Variants in TPM4 observed in about 807,000 individuals in gnomAD.
The protein encoded by TPM4 is tropomyosin alpha-4 chain.
In TPM4, 17 loss-of-function variants were observed where a neutral mutation model predicts 35.8. The ratio of observed to expected loss-of-function variants is 0.47; its 90% confidence interval spans 0.32 to 0.71. The LOEUF (loss-of-function observed/expected upper bound fraction) is 0.71. TPM4 is among the 30% of genes least tolerant of loss of function. The probability of loss-of-function intolerance (pLI) is 0.03; values close to 1 mark genes in which losing one functional copy is unlikely to be tolerated. For synonymous variants in TPM4, 120 were observed against 122.9 expected (o/e 0.98, Z 0.15); for missense variants, 240 against 320.9 (o/e 0.75, Z 1.93).
At chr19:16,082,986 G>A (rs1338002268) in intron 2 of TPM4, among the ~76,000 whole-genome samples, 1 of 96,782 alleles carries the variant, frequency 1.0e-5, no homozygotes, top group African/African-American at 4.4e-5. Context: ...ATGAGATTCT[G>A]TCTCAAAAAA....
chr19:16,082,054 C>T lies in TPM4; in HGVS notation c.266+8C>T, dbSNP rs377511815. ...TGCAGATGAGAGTGAGAGGTAAGGA[C>T]GCTTTGAATCTGGTGGCATCCGTGT... On this transcript the variant is annotated splice_region_variant and intron_variant, in intron 2 of 7. Coordinates refer to ENST00000643579, the MANE Select transcript of TPM4 (RefSeq NM_003290.3). 13 of 1,592,452 alleles carry T rather than the reference C, an allele frequency of 8.2e-6. No homozygotes were observed. The highest frequency in any genetic ancestry group is 6.7e-5 in the African/African-American group (5 of 74,518).
upstream of TPM4, chr19:16,076,012 C>A: frequency 6.3e-7 from 1 of 1,591,694 alleles, no homozygotes; most frequent in South Asian, 1.1e-5. Context: ...GACCCCCCCC[C>A]CAGGCTGACC....
chr19:16,096,599 C>CT (rs2090700486), intron 7 of TPM4, among the ~76,000 whole-genome samples: 1 of 152,126 alleles, frequency 6.6e-6, no homozygotes, highest in Non-Finnish European at 1.5e-5. Context: ...AGTGTGGTGA[C>CT]TGGGGCTTCC....
intron 1 of TPM4, chr19:16,080,020 G>C (rs926980507): frequency 1.6e-5 from 3 of 183,600 alleles, no homozygotes; most frequent in Non-Finnish European, 3.5e-5. Context: ...AATTTTGATA[G>C]CCTTCCCCAG....
At chr19:16,071,365 T>G (rs2144909122) in intron 2 of TPM4, among the ~76,000 whole-genome samples, 1 of 152,122 alleles carries the variant, frequency 6.6e-6, no homozygotes, top group South Asian at 2.1e-4. Flanking sequence ...TATTTTATTT[T>G]TAGTAGAGAC....
chr19:16,076,193 G>C, upstream of TPM4: 1 of 1,552,704 alleles, frequency 6.4e-7, no homozygotes, highest in South Asian at 1.2e-5. Context: ...AGGGATGCGG[G>C]AGCCCGCGGC....
upstream of TPM4, among the ~76,000 whole-genome samples, chr19:16,073,786 C>A (rs1373845702): frequency 6.6e-6 from 1 of 151,794 alleles, no homozygotes; most frequent in Non-Finnish European, 1.5e-5. Flanking sequence ...AGCTGACACC[C>A]AGCAGGCCGC....
chr19:16,068,353 T>C (rs1035045690), intron 2 of TPM4, among the ~76,000 whole-genome samples: 12 of 152,172 alleles, frequency 7.9e-5, no homozygotes, highest in African/African-American at 2.9e-4. Context: ...ATTTTGTATT[T>C]TTAGTAGAGA....
intron 5 of TPM4, among the ~76,000 whole-genome samples, chr19:16,092,868 T>G (rs2090645561): frequency 6.6e-6 from 1 of 152,160 alleles, no homozygotes; most frequent in Non-Finnish European, 1.5e-5. Context: ...TTCCTCCTTT[T>G]TTTTGAGATG....
Position 16,067,825 on chromosome 19 carries a change from C to G in TPM4, c.114+87C>G. On this transcript the variant is annotated intron_variant, in intron 2 of 2. Transcript: ENST00000589897. This position sits in a 1 kb window ranked among gnomAD's most constrained non-coding sequence, Gnocchi z 4.1. ...GGGTCTGGAGCCCAGTTGGGGGTCGCAGACACCTGCGGGAGGATAGGAGGC... is the reference window on the plus strand; with the variant it reads ...GGGTCTGGAGCCCAGTTGGGGGTCGGAGACACCTGCGGGAGGATAGGAGGC... The G allele has an allele frequency of 7.9e-7, 1 of 1,264,572 alleles. No individual in the cohort carries two copies. The highest frequency in any genetic ancestry group is 1.3e-5 in the South Asian group (1 of 76,468). The allele number at this position is 1,264,572 out of a possible 1,614,324, so 78.3% of individuals were successfully genotyped here. A position where few individuals can be genotyped will look rare whatever the true frequency, so the allele number is the denominator to read the frequency against.
chr19:16,081,527 G>A (rs2090482741), intron 1 of TPM4: 1 of 162,152 alleles, frequency 6.2e-6, no homozygotes, highest in African/African-American at 2.4e-5. Flanking sequence ...TCCTGAGCAT[G>A]TGGAACTACA....
chr19:16,093,841 G>C (rs1294741786), intron 7 of TPM4, 88 bp downstream of exon 7: 1 of 1,470,196 alleles, frequency 6.8e-7, no homozygotes, highest in Non-Finnish European at 9.4e-7. Flanking sequence ...TTGTGGAGGG[G>C]CTGGGTTGGG....
intron 4 of TPM4, 110 bp downstream of exon 4, chr19:16,088,207 CGGGCGTCAG>C: frequency 6.8e-7 from 1 of 1,474,130 alleles, no homozygotes; most frequent in South Asian, 1.2e-5. Context: ...CTCAAGTGGA[CGGGCGTCAG>C]GGGCTCATGG....
chr19:16,088,552 A>G (rs905125320), intron 4 of TPM4: 29 of 1,042,120 alleles, frequency 2.8e-5, no homozygotes, highest in Non-Finnish European at 3.4e-5. Context: ...CAAGCACCGA[A>G]AAACAAAACA....
intron 1 of TPM4, among the ~76,000 whole-genome samples, chr19:16,078,528 G>C (rs77908206): frequency 7.2e-5 from 11 of 152,286 alleles, no homozygotes; most frequent in African/African-American, 2.4e-4. Context: ...TTAGAAACCC[G>C]GTGTAAGCCT....
upstream of TPM4, chr19:16,076,225 G>C (rs985837031): frequency 6.5e-7 from 1 of 1,548,094 alleles, no homozygotes; most frequent in Non-Finnish European, 8.7e-7. Flanking sequence ...GGAGCCCCGG[G>C]GCCGGGAAGG....
At chr19:16,081,432 T>G in intron 1 of TPM4, 1 of 172,294 alleles carries the variant, frequency 5.8e-6, no homozygotes. Context: ...AGTCTTGCTC[T>G]GTCACCAGGC....
upstream of TPM4, chr19:16,075,290 G>A (rs1029963600): frequency 6.6e-6 from 1 of 152,220 alleles, no homozygotes; most frequent in Admixed American, 6.5e-5. Context: ...AACTAGGAGT[G>A]ATGGGAGGAT....
At chr19:16,076,006 C>G (rs1047158148), upstream of TPM4, 3 of 1,482,876 alleles carry the variant, frequency 2.0e-6, no homozygotes, top group Admixed American at 4.4e-5. Context: ...GGACGTGACC[C>G]CCCCCCCAGG....
Sources: allele counts gnomAD v4.1 joint callset (sites outside exome capture counted in the v4.1 genomes callset), GRCh38; gene constraint gnomAD v4.1.1; non-coding constraint Gnocchi (gnomAD v3.1); transcripts MANE v1.5; gene names NCBI Gene and HGNC (gene_info 2026-07-23, HGNC 2026-07-21).